Variants in NUP160 observed in about 807,000 individuals in gnomAD.
NUP160 encodes the protein nuclear pore complex protein Nup160.
NUP160 carries 94 observed loss-of-function variants against 196.9 expected under a neutral mutation model. That is an observed-to-expected ratio of 0.48 (90% CI 0.40 to 0.57). The LOEUF (loss-of-function observed/expected upper bound fraction) is 0.57. Ranked by LOEUF, NUP160 falls within the 20% of genes least tolerant of loss-of-function variation. NUP160 has a pLI of 0.00. For synonymous variants in NUP160, 605 were observed against 619.7 expected (o/e 0.98, Z 0.35); for missense variants, 1,638 against 1,748.3 (o/e 0.94, Z 1.13).
At chr11:47,791,556 G>A (rs947866984) in intron 29 of NUP160, among the ~76,000 whole-genome samples, 1 of 152,040 alleles carries the variant, frequency 6.6e-6, no homozygotes, top group Admixed American at 6.5e-5. Flanking sequence ...GACCAGGCTG[G>A]TCTTGAACAC....
At chr11:47,800,088 T>A (rs1181177570) in intron 23 of NUP160, among the ~76,000 whole-genome samples, 1 of 151,834 alleles carries the variant, frequency 6.6e-6, no homozygotes, top group South Asian at 2.1e-4. Context: ...ACCCTGTCCC[T>A]ACCAAAAATA....
At chr11:47,786,706 C>CA (rs1431284560) in intron 31 of NUP160, 152 bp from the exon 32 acceptor site, 1 of 614,092 alleles carries the variant, frequency 1.6e-6, no homozygotes. Context: ...CCTCAAGTTA[C>CA]ACAACTGGAT....
chr11:47,781,584 T>A lies in NUP160; in HGVS notation c.4117-1137A>T, dbSNP rs116656367. On this transcript the variant is annotated intron_variant, in intron 34 of 35. Coordinates refer to ENST00000378460, the Ensembl canonical transcript of NUP160. ...TGGCTGATTTCATGAGGGTTGAAGC[T>A]GTAGTTAACTACACCTATTTAGACC... Among the ~76,000 whole-genome samples, 1,042 of 152,318 alleles carry A rather than the reference T, an allele frequency of 6.8e-3. 16 individuals are homozygous for A. The highest frequency in any genetic ancestry group is 0.023 in the African/African-American group (965 of 41,570).
intron 7 of NUP160, chr11:47,826,994 T>C (rs2135390407): frequency 4.4e-6 from 2 of 455,532 alleles, no homozygotes; most frequent in East Asian, 1.4e-4. Context: ...GGGACCAAAC[T>C]GAACACCCTT....
intron 27 of NUP160, 41 bp from the exon 28 acceptor site, chr11:47,792,987 T>G (rs768577768): frequency 6.4e-7 from 1 of 1,557,582 alleles, no homozygotes; most frequent in East Asian, 2.3e-5. Context: ...ACTTCCAAAT[T>G]TTTTTTTCTT....
intron 2 of NUP160, among the ~76,000 whole-genome samples, chr11:47,843,185 C>T (rs1852338550): frequency 6.6e-6 from 1 of 152,134 alleles, no homozygotes; most frequent in African/African-American, 2.4e-5. Context: ...TTCTCTGCTT[C>T]CCTTATAGCA....
chr11:47,841,868 T>C (rs901992001), intron 2 of NUP160, among the ~76,000 whole-genome samples: 1 of 151,996 alleles, frequency 6.6e-6, no homozygotes, highest in Non-Finnish European at 1.5e-5. Context: ...TTGTATTTTT[T>C]AGTAGAGACG....
Position 47,806,318 on chromosome 11 carries a change from AAAG to A in NUP160, c.2447-9_2447-7del, listed in dbSNP as rs1565195168. ...AATAGTCTGAGGACTAGATACTTAA[AAAG>A]AAAAAGTTATGACAGTTTTGTGTAG... On this transcript the variant is annotated splice_region_variant and splice_polypyrimidine_tract_variant and intron_variant, in intron 19 of 35. Coordinates refer to ENST00000378460, the Ensembl canonical transcript of NUP160. The A allele has an allele frequency of 6.2e-7, 1 of 1,604,714 alleles. No homozygotes were observed. Among genetic ancestry groups the A allele is most frequent in the East Asian group, 2.2e-5 (1 of 44,778 alleles).
intron 7 of NUP160, among the ~76,000 whole-genome samples, chr11:47,832,163 G>C (rs774564654): frequency 1.3e-5 from 2 of 151,960 alleles, no homozygotes; most frequent in Non-Finnish European, 2.9e-5. Context: ...GCCTCCCAAA[G>C]TGTTGGGATT....
chr11:47,788,442 G>T, intron 30 of NUP160, 59 bp downstream of exon 30: 1 of 1,546,522 alleles, frequency 6.5e-7, no homozygotes, highest in Non-Finnish European at 8.9e-7. Context: ...ACACTGCCTG[G>T]ACCTAAAATG....
chr11:47,826,876 A>T (rs191964332), intron 7 of NUP160, among the ~76,000 whole-genome samples: 1 of 152,186 alleles, frequency 6.6e-6, no homozygotes, highest in East Asian at 1.9e-4. Context: ...AACCCTTTGC[A>T]TAATAACACT....
At chr11:47,800,680 G>A (rs562134063) in intron 23 of NUP160, among the ~76,000 whole-genome samples, 2 of 152,196 alleles carry the variant, frequency 1.3e-5, no homozygotes, top group South Asian at 4.1e-4. Context: ...GTGAGCCATC[G>A]CGTCCGGCCA....
intron 21 of NUP160, 32 bp from the exon 22 acceptor site, chr11:47,803,568 A>G: frequency 1.7e-6 from 2 of 1,179,064 alleles, no homozygotes; most frequent in Non-Finnish European, 2.5e-6. Context: ...TTCTGATTAG[A>G]AAATAAATGT....
intron 21 of NUP160, among the ~76,000 whole-genome samples, chr11:47,803,998 T>C (rs2097675965): frequency 6.6e-6 from 1 of 151,820 alleles, no homozygotes; most frequent in Non-Finnish European, 1.5e-5. Flanking sequence ...CTCGCCAACA[T>C]AGTGAAACCC....
exon 28 of NUP160, chr11:47,792,938 C>A: frequency 6.2e-7 from 1 of 1,611,874 alleles, no homozygotes; most frequent in South Asian, 1.1e-5. Flanking sequence ...TCAAACATCA[C>A]TGTGCCAGCT....
chr11:47,816,453 C>G (rs2097684509), intron 11 of NUP160, among the ~76,000 whole-genome samples: 1 of 152,074 alleles, frequency 6.6e-6, no homozygotes, highest in Non-Finnish European at 1.5e-5. Context: ...ATTTTAAATC[C>G]ATCCATGAAG....
chr11:47,788,417 T>C (rs2097665920), intron 30 of NUP160, 84 bp downstream of exon 30: 1 of 1,535,722 alleles, frequency 6.5e-7, no homozygotes, highest in Non-Finnish European at 9.0e-7. Context: ...TTTATACCCA[T>C]CTACCATGCT....
intron 7 of NUP160, among the ~76,000 whole-genome samples, chr11:47,823,290 T>C (rs1010487945): frequency 6.6e-6 from 1 of 152,226 alleles, no homozygotes; most frequent in Non-Finnish European, 1.5e-5. Flanking sequence ...AACCAATCTA[T>C]AGAACTCCTT....
At chr11:47,820,931 C>T (rs560530442) in intron 9 of NUP160, among the ~76,000 whole-genome samples, 63 of 152,292 alleles carry the variant, frequency 4.1e-4, no homozygotes, top group Admixed American at 2.6e-4. Context: ...AATCCTCCCA[C>T]CTTAGCCTCA....
Sources: gnomAD v4.1 joint callset for allele counts (sites outside exome capture counted in the v4.1 genomes callset) on GRCh38, gnomAD v4.1.1 for gene constraint, MANE v1.5 for transcripts, NCBI Gene and HGNC (gene_info 2026-07-23, HGNC 2026-07-21) for gene names.